The following ETV5 variants were observed in gnomAD, a reference collection of about 807,000 sequenced individuals.
ETV5 encodes ETS variant transcription factor 5, also known as ETS translocation variant 5.
Under a neutral mutation model 70.0 loss-of-function variants are expected in ETV5, and 10 were observed. The observed-to-expected ratio is 0.14, with a 90% CI of 0.09 to 0.24. The LOEUF is 0.24. Ranked by LOEUF, ETV5 falls within the 10% of genes least tolerant of loss-of-function variation. ETV5 has a pLI of 1.00. For missense variants in ETV5, 453 were observed against 651.2 expected, an observed-to-expected ratio of 0.70 and a Z score of 3.31; for synonymous variants, 216 against 242.2, an observed-to-expected ratio of 0.89 and a Z score of 1.01.
At chr3:186,108,665 A>C in intron 1 of ETV5, 1 of 1,146,616 alleles carries the variant, frequency 8.7e-7, no homozygotes, top group Non-Finnish European at 1.1e-6. Flanking sequence ...GAGCCCCCGC[A>C]CTCGCGCTCC....
chr3:186,089,054 T>C (rs1288424482), intron 5 of ETV5, among the ~76,000 whole-genome samples: 1 of 152,222 alleles, frequency 6.6e-6, no homozygotes, highest in Non-Finnish European at 1.5e-5. Flanking sequence ...GTAACTGCTC[T>C]AACAGCACTA....
intron 5 of ETV5, among the ~76,000 whole-genome samples, chr3:186,099,513 C>T (rs894854277): frequency 2.0e-5 from 3 of 152,176 alleles, no homozygotes; most frequent in African/African-American, 7.2e-5. Flanking sequence ...GCCGTATGCC[C>T]GAGAGGGGGC....
At chr3:186,100,201 A>AT (rs1714419944) in intron 5 of ETV5, among the ~76,000 whole-genome samples, 1 of 152,216 alleles carries the variant, frequency 6.6e-6, no homozygotes, top group Admixed American at 6.5e-5. Flanking sequence ...TCTCTCCTCC[A>AT]TGTTTTCCTC....
intron 8 of ETV5, among the ~76,000 whole-genome samples, chr3:186,065,503 G>A (rs917455866): frequency 2.6e-5 from 4 of 152,022 alleles, no homozygotes; most frequent in African/African-American, 9.7e-5. Context: ...AGAGAAGGTC[G>A]AGCAAATTCC....
intron 11 of ETV5, among the ~76,000 whole-genome samples, chr3:186,053,746 G>A (rs1713090326): frequency 6.6e-6 from 1 of 152,000 alleles, no homozygotes. Context: ...CAGCCCAAAA[G>A]GCAAAATTAA....
In ETV5 at chr3:186,080,051, G is replaced by T. The variant is rs765682543; in HGVS notation, c.416C>A (p.Thr139Asn). Reference protein sequence around the residue: ...SGFKPLTPPTTPLSPTHQNPL... With the variant: ...SGFKPLTPPTNPLSPTHQNPL... ...ATTCTGATGGGTGGGTGAGAGGGGG[G>T]TTGTAGGAGGGGTTAATGGCTTGAA... The change falls in exon 7 of 13, where the codon ACC (threonine) becomes AAC (asparagine). Residue 139 changes from threonine (T) to asparagine (N), a missense_variant. Coordinates refer to ENST00000306376, the MANE Select transcript of ETV5 (RefSeq NM_004454.3). The T allele has an allele frequency of 3.3e-6, 5 of 1,523,004 alleles. No individual in the cohort carries two copies. The highest frequency in any genetic ancestry group is 2.7e-5 in the South Asian group (2 of 73,902). The allele number at this position is 1,523,004 out of a possible 1,614,324, so 94.3% of individuals were successfully genotyped here. A position where few individuals can be genotyped will look rare whatever the true frequency, so the allele number is the denominator to read the frequency against.
At chr3:186,078,921 T>A in intron 7 of ETV5, 1 of 317,622 alleles carries the variant, frequency 3.1e-6, no homozygotes, top group Non-Finnish European at 5.1e-6. Flanking sequence ...CTGGTAGGCA[T>A]CTGGAATGGA....
intron 1 of ETV5, among the ~76,000 whole-genome samples, chr3:186,107,472 TCA>T: frequency 6.6e-6 from 1 of 152,132 alleles, no homozygotes; most frequent in East Asian, 1.9e-4. Context: ...GAGATATTTT[TCA>T]GTCTCATGAT....
At chr3:186,073,420 G>A (rs530523989) in intron 7 of ETV5, among the ~76,000 whole-genome samples, 1 of 152,226 alleles carries the variant, frequency 6.6e-6, no homozygotes, top group South Asian at 2.1e-4. Flanking sequence ...ATTTTCAGAC[G>A]AAGAAACGAA....
chr3:186,061,314 C>T (rs563809524), intron 9 of ETV5, among the ~76,000 whole-genome samples: 24 of 152,176 alleles, frequency 1.6e-4, no homozygotes, highest in Non-Finnish European at 2.1e-4. Flanking sequence ...ACCTGGAAAT[C>T]TACATTTTTA....
rs1713194623 is a variant in ETV5 at position 186,057,506 on chromosome 3, A to T, written c.971-15T>A. ...ATATGAAAAACCTGAAAGAGAATTT[A>T]AAAGAAAGACTACGTTGCTTAACAA... On this transcript the variant is annotated splice_polypyrimidine_tract_variant and intron_variant, in intron 9 of 12. Transcript: ENST00000306376. The surrounding 1 kb of genome is among the most constrained non-coding windows in gnomAD (Gnocchi z 4.9). 6.2e-7 allele frequency: 1 copy of T among 1,605,394 alleles called. No individual in the cohort carries two copies. Among genetic ancestry groups the T allele is most frequent in the African/African-American group, 1.3e-5 (1 of 74,728 alleles).
rs142725392 is a variant in ETV5 at position 186,054,681 on chromosome 3, C to T, written c.1209+2394G>A. Among the ~76,000 whole-genome samples the T allele has an allele frequency of 3.3e-5, 5 of 152,284 alleles. No individual in the cohort carries two copies. The highest frequency in any genetic ancestry group is 2.1e-4 in the South Asian group (1 of 4,824). ...TCAGCCACACAGCTGCCTACAATTA[C>T]GTCCCAACAGCTTCCTCCTCCGCTT... is the stretch of plus-strand genomic sequence containing the variant. On this transcript the variant is annotated intron_variant, in intron 11 of 12. Coordinates refer to ENST00000306376, the MANE Select transcript of ETV5 (RefSeq NM_004454.3). This position sits in a 1 kb window ranked among gnomAD's most constrained non-coding sequence, Gnocchi z 4.4.
intron 12 of ETV5, 56 bp downstream of exon 12, chr3:186,051,974 G>T: frequency 6.4e-7 from 1 of 1,557,716 alleles, no homozygotes; most frequent in South Asian, 1.1e-5. Context: ...CAGAAGCCCT[G>T]GACTTTTTCC....
At chr3:186,067,924 C>T (rs1389269297) in intron 7 of ETV5, among the ~76,000 whole-genome samples, 1 of 151,894 alleles carries the variant, frequency 6.6e-6, no homozygotes, top group Admixed American at 6.6e-5. Context: ...TAGAAATTAA[C>T]AAAAGATGAA....
intron 7 of ETV5, among the ~76,000 whole-genome samples, chr3:186,070,220 C>G (rs945332290): frequency 2.0e-5 from 3 of 152,226 alleles, no homozygotes; most frequent in Admixed American, 2.0e-4. Flanking sequence ...CTGCCACCAT[C>G]CCAGCACCTT....
intron 5 of ETV5, among the ~76,000 whole-genome samples, chr3:186,085,275 AAG>A (rs1401871640): frequency 6.6e-6 from 1 of 152,140 alleles, no homozygotes; most frequent in South Asian, 2.1e-4. Flanking sequence ...GATAAAGGGA[AAG>A]AGAGAAGGAA....
chr3:186,101,095 A>G (rs1714445403), intron 5 of ETV5, among the ~76,000 whole-genome samples: 1 of 152,246 alleles, frequency 6.6e-6, no homozygotes, highest in African/African-American at 2.4e-5. Context: ...AAATATGTAC[A>G]TACATCTATG....
chr3:186,096,381 C>T (rs1373475823), intron 5 of ETV5, among the ~76,000 whole-genome samples: 1 of 152,148 alleles, frequency 6.6e-6, no homozygotes, highest in Admixed American at 6.5e-5. Flanking sequence ...GTATAAAAGA[C>T]CCTCATTAAG....
chr3:186,100,488 A>G (rs918044227), intron 5 of ETV5, among the ~76,000 whole-genome samples: 1 of 152,240 alleles, frequency 6.6e-6, no homozygotes, highest in East Asian at 1.9e-4. Flanking sequence ...AAACTCACAC[A>G]TTAATAAAGA....
Sources: allele counts gnomAD v4.1 joint callset (sites outside exome capture counted in the v4.1 genomes callset), GRCh38; gene constraint gnomAD v4.1.1; non-coding constraint Gnocchi (gnomAD v3.1); transcripts MANE v1.5; gene names NCBI Gene and HGNC (gene_info 2026-07-23, HGNC 2026-07-21).